METTL9: variants seen among roughly 807,000 people sequenced by gnomAD.
The protein encoded by METTL9 is methyltransferase 9, His-X-His N1(pi)-histidine, also known as protein-L-histidine N-pros-methyltransferase.
In METTL9, 10 loss-of-function variants were observed where a neutral mutation model predicts 36.0. The observed-to-expected ratio is 0.28, with a 90% CI of 0.17 to 0.47. The LOEUF (loss-of-function observed/expected upper bound fraction) is 0.47, where lower values mean the gene tolerates loss of function less well. Among genes scored for constraint, METTL9 ranks in the 20% least tolerant of loss-of-function variants. The pLI is 0.99. For missense variants in METTL9, 246 were observed against 383.5 expected (o/e 0.64, Z 3.00); for synonymous variants, 175 against 149.7 (o/e 1.17, Z -1.23).
chr16:21,652,470 A>C, intron 4 of METTL9: 1 of 1,282,456 alleles, frequency 7.8e-7, no homozygotes, highest in Non-Finnish European at 1.1e-6. Flanking sequence ...ATATAAATGC[A>C]TTAGGTGAAA....
intron 1 of METTL9, among the ~76,000 whole-genome samples, chr16:21,610,857 G>C (rs1965408945): frequency 6.6e-6 from 1 of 152,116 alleles, no homozygotes; most frequent in African/African-American, 2.4e-5. Flanking sequence ...CTTTCATCTT[G>C]ATTAGCCATT....
intron 4 of METTL9, chr16:21,654,622 G>A (rs1966663904): frequency 6.5e-6 from 1 of 153,266 alleles, no homozygotes; most frequent in Non-Finnish European, 1.5e-5. Flanking sequence ...TGGTCCTGGA[G>A]CTTAATGTTT....
At chr16:21,631,555 A>G (rs1965961436) in intron 4 of METTL9, among the ~76,000 whole-genome samples, 1 of 152,128 alleles carries the variant, frequency 6.6e-6, no homozygotes, top group Non-Finnish European at 1.5e-5. Flanking sequence ...TTTCCTTATC[A>G]TTTACTGAAT....
intron 4 of METTL9, chr16:21,642,451 A>G (rs772417081): frequency 1.3e-5 from 2 of 152,202 alleles, no homozygotes; most frequent in Non-Finnish European, 2.9e-5. Context: ...ATTTTAGCTT[A>G]TTTGAGCTAT....
In METTL9 at chr16:21,620,470, C is replaced by T. The variant is rs544950208; in HGVS notation, c.566+2396C>T. ...AAAAAATCCATGCTTTGAAGTGGGT[C>T]GAAGAGGAAGGTGTTAAACCCATCT... is the stretch of plus-strand genomic sequence containing the variant. On this transcript the variant is annotated intron_variant, in intron 3 of 4. Coordinates refer to ENST00000358154, the MANE Select transcript of METTL9 (RefSeq NM_016025.5). 5.9e-5 allele frequency among the ~76,000 whole-genome samples: 9 copies of T among 152,060 alleles called. No homozygotes were observed. The South Asian group carries it at 6.2e-4, about 10-fold the overall frequency.
At chr16:21,637,563 G>A (rs1014695204) in intron 4 of METTL9, among the ~76,000 whole-genome samples, 3 of 152,244 alleles carry the variant, frequency 2.0e-5, no homozygotes, top group African/African-American at 7.2e-5. Context: ...GGCACTGGCT[G>A]CGGGACTTTG....
chr16:21,630,475 G>A (rs933160813), intron 4 of METTL9, among the ~76,000 whole-genome samples: 10 of 152,218 alleles, frequency 6.6e-5, no homozygotes, highest in African/African-American at 1.7e-4. Flanking sequence ...CGCCGAGAGC[G>A]AGCGAGGGCT....
In METTL9 at chr16:21,606,251, C is replaced by T. The variant is rs184467158; in HGVS notation, c.165+6353C>T. On this transcript the variant is annotated intron_variant, in intron 1 of 4. Transcript: ENST00000358154. ...ACTGGGGAGGCTGAGGCAGGAGAATCGCTTGAACCGTGGAGGCGGAGGTTG... is the reference window on the plus strand; with the variant it reads ...ACTGGGGAGGCTGAGGCAGGAGAATTGCTTGAACCGTGGAGGCGGAGGTTG... Among the ~76,000 whole-genome samples, 275 of 152,198 alleles carry T rather than the reference C, an allele frequency of 1.8e-3. 5 individuals carry two copies. Among genetic ancestry groups the T allele is most frequent in the South Asian group, 0.016 (77 of 4,828 alleles).
At chr16:21,598,833 G>A (rs1965014725), upstream of METTL9, among the ~76,000 whole-genome samples, 2 of 152,290 alleles carry the variant, frequency 1.3e-5, no homozygotes, top group East Asian at 1.9e-4. Context: ...TCATTCTTGG[G>A]CAGGGCCATC....
chr16:21,622,315 A>G (rs1428897619), intron 3 of METTL9, among the ~76,000 whole-genome samples: 3 of 150,470 alleles, frequency 2.0e-5, no homozygotes, highest in Non-Finnish European at 3.0e-5. Flanking sequence ...ATCCTTGGCT[A>G]TTTTTAATTT....
Position 21,637,337 on chromosome 16 carries a change from C to A in METTL9, c.751+12222C>A, listed in dbSNP as rs893500974. On this transcript the variant is annotated intron_variant, in intron 4 of 4. Coordinates refer to ENST00000358154, the MANE Select transcript of METTL9 (RefSeq NM_016025.5). ...GCGTTTAGAATCCTTTAGCTAGACA[C>A]AAGTTCTCCAAGTCTGCTACCCGGC... Among the ~76,000 whole-genome samples the A allele has an allele frequency of 3.1e-4, 47 of 152,104 alleles. 1 individual carries two copies. The highest frequency in any genetic ancestry group is 1.1e-3 in the African/African-American group (45 of 41,404).
chr16:21,651,732 C>T (rs1302146880), intron 4 of METTL9: 1 of 152,180 alleles, frequency 6.6e-6, no homozygotes, highest in Non-Finnish European at 1.5e-5. Context: ...CCCTCACTCC[C>T]ATATTATTTT....
At chr16:21,626,976 C>T in intron 4 of METTL9, 5 of 985,378 alleles carry the variant, frequency 5.1e-6, no homozygotes, top group Non-Finnish European at 6.0e-6. Flanking sequence ...GGGAAGTCTC[C>T]ATGAAGTGTG....
Position 21,599,883 on chromosome 16 carries a change from GA to G in METTL9, c.152del (p.Lys51ArgfsTer35). On this transcript the variant is annotated frameshift_variant, in exon 1 of 5. Transcript: ENST00000358154. LOFTEE classifies it high-confidence loss of function. This position sits in a 1 kb window ranked among gnomAD's most constrained non-coding sequence, Gnocchi z 4.4. ...GGPAAAAGGR[K>X]ENHQWYVCNR... ...GGCCGGCGGCGGCCGCGGGCGGCAGGAAGGAGAACCACCAGGTACGGGCTGG... is the reference window on the plus strand; with the variant it reads ...GGCCGGCGGCGGCCGCGGGCGGCAGGAGGAGAACCACCAGGTACGGGCTGG... The G allele has an allele frequency of 6.8e-7, 1 of 1,465,922 alleles. No individual in the cohort carries two copies. The highest frequency in any genetic ancestry group is 9.0e-7 in the Non-Finnish European group (1 of 1,111,824). The allele number at this position is 1,465,922 out of a possible 1,614,324, so 90.8% of individuals were successfully genotyped here.
At chr16:21,629,791 C>A (rs890156077) in intron 4 of METTL9, among the ~76,000 whole-genome samples, 2 of 152,176 alleles carry the variant, frequency 1.3e-5, no homozygotes, top group African/African-American at 4.8e-5. Context: ...TCTGGCCCCA[C>A]CCACAGCCTG....
intron 3 of METTL9, among the ~76,000 whole-genome samples, chr16:21,620,848 C>G (rs2152895163): frequency 6.6e-6 from 1 of 152,124 alleles, no homozygotes; most frequent in South Asian, 2.1e-4. Context: ...TAGAGGTCAC[C>G]CAATCCAAGA....
intron 1 of METTL9, among the ~76,000 whole-genome samples, chr16:21,603,132 TAACA>T (rs1965182026): frequency 6.6e-6 from 1 of 151,516 alleles, no homozygotes; most frequent in African/African-American, 2.4e-5. Context: ...CCAGCTTCCT[TAACA>T]AACAGCTTTT....
intron 1 of METTL9, among the ~76,000 whole-genome samples, chr16:21,610,988 C>G (rs1965412897): frequency 6.6e-6 from 1 of 152,078 alleles, no homozygotes; most frequent in African/African-American, 2.4e-5. Context: ...AGCATAACTT[C>G]AGGCACAATA....
chr16:21,618,977 T>C (rs1965624269), intron 3 of METTL9, among the ~76,000 whole-genome samples: 1 of 152,072 alleles, frequency 6.6e-6, no homozygotes, highest in African/African-American at 2.4e-5. Context: ...GGATTACAGG[T>C]GTGAGCCACT....
Sources: allele counts gnomAD v4.1 joint callset (sites outside exome capture counted in the v4.1 genomes callset), GRCh38; gene constraint gnomAD v4.1.1; non-coding constraint Gnocchi (gnomAD v3.1); transcripts MANE v1.5; gene names NCBI Gene and HGNC (gene_info 2026-07-23, HGNC 2026-07-21).